The following GPD1L variants were observed in gnomAD, a reference collection of about 807,000 sequenced individuals.
The protein encoded by GPD1L is glycerol-3-phosphate dehydrogenase 1 like.
Under a neutral mutation model 32.9 loss-of-function variants are expected in GPD1L, and 17 were observed. The ratio of observed to expected loss-of-function variants is 0.52; its 90% CI spans 0.35 to 0.78. The LOEUF is 0.78. Ranked by LOEUF, GPD1L falls within the 30% of genes least tolerant of loss-of-function variation. The pLI, the probability that GPD1L is intolerant of heterozygous loss-of-function variation, is 0.01. For synonymous variants in GPD1L, 187 were observed against 165.9 expected (o/e 1.13, Z -0.98); for missense variants, 361 against 447.8 (o/e 0.81, Z 1.75).
intron 7 of GPD1L, among the ~76,000 whole-genome samples, chr3:32,160,970 C>T (rs1701066735): frequency 6.6e-6 from 1 of 152,140 alleles, no homozygotes; most frequent in African/African-American, 2.4e-5. Context: ...GGTCTTGTTG[C>T]CTAGGACTGA....
chr3:32,109,227 C>T (rs190437932), intron 1 of GPD1L, among the ~76,000 whole-genome samples: 78 of 152,344 alleles, frequency 5.1e-4, no homozygotes, highest in Admixed American at 4.1e-3. Context: ...GAAAGGCACC[C>T]ATTTAGCACA....
intron 4 of GPD1L, among the ~76,000 whole-genome samples, chr3:32,142,050 G>A (rs773275523): frequency 1.4e-4 from 21 of 151,780 alleles, no homozygotes; most frequent in Non-Finnish European, 2.9e-4. Flanking sequence ...GCAGTATTTG[G>A]TTTTCTGTTC....
chr3:32,120,764 C>G (rs982532974), intron 1 of GPD1L, among the ~76,000 whole-genome samples: 3 of 152,144 alleles, frequency 2.0e-5, no homozygotes, highest in Non-Finnish European at 4.4e-5. Flanking sequence ...CCTAACTTCC[C>G]CCTTGGCATA....
chr3:32,147,442 G>A (rs1003956317), intron 5 of GPD1L, among the ~76,000 whole-genome samples: 1 of 152,154 alleles, frequency 6.6e-6, no homozygotes, highest in Non-Finnish European at 1.5e-5. Context: ...GAGGTAAAGG[G>A]AGGTCTCCAC....
chr3:32,122,342 G>A (rs995769712), intron 1 of GPD1L, among the ~76,000 whole-genome samples: 1 of 152,146 alleles, frequency 6.6e-6, no homozygotes. Flanking sequence ...CATGACTTAG[G>A]CAATTCATTT....
intron 5 of GPD1L, among the ~76,000 whole-genome samples, 184 bp downstream of exon 5, chr3:32,146,918 A>C (rs1330803090): frequency 1.3e-5 from 2 of 151,872 alleles, no homozygotes; most frequent in South Asian, 4.2e-4. Context: ...TTCCTCTCTT[A>C]CTCGTGGCTT....
At chr3:32,107,460 A>G (rs1700180654) in intron 1 of GPD1L, among the ~76,000 whole-genome samples, 1 of 152,086 alleles carries the variant, frequency 6.6e-6, no homozygotes. Flanking sequence ...CCCTTAATCA[A>G]ACGTACACTG....
intron 4 of GPD1L, among the ~76,000 whole-genome samples, chr3:32,142,064 T>C (rs1389568600): frequency 6.6e-6 from 1 of 152,160 alleles, no homozygotes; most frequent in African/African-American, 2.4e-5. Context: ...TCTGTTCCTA[T>C]GTTAACTCAC....
At chr3:32,154,619 A>T (rs943973927) in intron 5 of GPD1L, among the ~76,000 whole-genome samples, 4 of 152,156 alleles carry the variant, frequency 2.6e-5, no homozygotes, top group African/African-American at 4.8e-5. Flanking sequence ...GTTTCCTATC[A>T]TGTTCCCATG....
At chr3:32,151,219 T>C (rs750634184) in intron 5 of GPD1L, 51 of 599,898 alleles carry the variant, frequency 8.5e-5, no homozygotes, top group Non-Finnish European at 1.6e-4. Context: ...GCTTCCTTCT[T>C]TTTCTGATCA....
rs148704089 is a variant in GPD1L at position 32,109,137 on chromosome 3, C to T, written c.47+2379C>T. Among the ~76,000 whole-genome samples, 15 of 152,344 alleles carry T rather than the reference C, an allele frequency of 9.8e-5. No individual in the cohort carries two copies. The East Asian group carries it at 2.9e-3, about 29-fold the overall frequency. ...GTGCTGGGATTACAGGCATGAACCA[C>T]CGTACCCGGCCGGCTTTGCCAGTTT... On this transcript the variant is annotated intron_variant, in intron 1 of 7. Transcript: ENST00000282541.
At chr3:32,108,416 A>G (rs1368323892) in intron 1 of GPD1L, among the ~76,000 whole-genome samples, 1 of 152,216 alleles carries the variant, frequency 6.6e-6, no homozygotes, top group African/African-American at 2.4e-5. Flanking sequence ...CTAAGGCAGC[A>G]GAATCGCCTG....
chr3:32,128,279 T>C (rs779232102), intron 2 of GPD1L, 26 bp downstream of exon 2: 19 of 1,589,554 alleles, frequency 1.2e-5, no homozygotes, highest in Non-Finnish European at 1.6e-5. Context: ...GAAATGTACA[T>C]TGGTTCATTC....
chr3:32,165,832 A>T lies in GPD1L; in HGVS notation c.978A>T (p.Ala326=). 1 of 1,598,956 alleles carries T rather than the reference A, an allele frequency of 6.3e-7. No homozygotes were observed. The highest frequency in any genetic ancestry group is 8.6e-7 in the Non-Finnish European group (1 of 1,166,146). ...GLLDKFPLFT[A]VYQICYESRP... is the part of the protein sequence containing the mutation. Reference sequence around the variant, plus strand: ...CAACTAGGTTTCCATTGTTTACTGCAGTGTATCAGATCTGCTACGAAAGCA... The same window carrying T: ...CAACTAGGTTTCCATTGTTTACTGCTGTGTATCAGATCTGCTACGAAAGCA... Residue 326 remains alanine (A), a synonymous_variant, in exon 8 of 8, where the codon GCA becomes GCT. Transcript: ENST00000282541.
intron 5 of GPD1L, among the ~76,000 whole-genome samples, chr3:32,157,554 A>T (rs1483862822): frequency 6.6e-6 from 1 of 152,194 alleles, no homozygotes; most frequent in East Asian, 1.9e-4. Context: ...CACACAGTAC[A>T]TGCTCAGTGC....
intron 1 of GPD1L, among the ~76,000 whole-genome samples, chr3:32,126,060 T>G (rs1700503013): frequency 6.6e-6 from 1 of 152,164 alleles, no homozygotes. Flanking sequence ...GCAGGTGTGG[T>G]GGCATGTGCC....
chr3:32,166,020 G>A lies in GPD1L; in HGVS notation c.*110G>A, dbSNP rs1337594586. The A allele has an allele frequency of 5.4e-6, 4 of 734,356 alleles. No individual in the cohort carries two copies. The highest frequency in any genetic ancestry group is 1.0e-5 in the Non-Finnish European group (4 of 397,768). 45.5% of individuals were successfully genotyped at this position (734,356 alleles called of 1,614,324 possible). A position where few individuals can be genotyped will look rare whatever the true frequency, so the allele number is the denominator to read the frequency against. The stretch of plus-strand genomic sequence containing the variant: ...GATGTTTGACTGTAATCTCATCACG[G>A]ATATGTATGAATTTTTACAGGTTCG... On this transcript the variant is annotated 3_prime_UTR_variant, in exon 8 of 8. Coordinates refer to ENST00000282541, the MANE Select transcript of GPD1L (RefSeq NM_015141.4).
At chr3:32,150,267 A>AAATTTTAAG (rs1332542613) in intron 5 of GPD1L, among the ~76,000 whole-genome samples, 1 of 152,170 alleles carries the variant, frequency 6.6e-6, no homozygotes, top group Non-Finnish European at 1.5e-5. Context: ...GTTTTAATAT[A>AAATTTTAAG]AATTTTAAGA....
At chr3:32,124,342 G>A (rs1388680218) in intron 1 of GPD1L, among the ~76,000 whole-genome samples, 1 of 152,222 alleles carries the variant, frequency 6.6e-6, no homozygotes, top group African/African-American at 2.4e-5. Flanking sequence ...TGGGATTACA[G>A]GCGTGAGCCA....
Sources: gnomAD v4.1 joint callset for allele counts (sites outside exome capture counted in the v4.1 genomes callset) on GRCh38, gnomAD v4.1.1 for gene constraint, MANE v1.5 for transcripts, NCBI Gene and HGNC (gene_info 2026-07-23, HGNC 2026-07-21) for gene names.